Variants in HECW1 observed in about 807,000 individuals in gnomAD.
HECW1 encodes HECT, C2 and WW domain containing E3 ubiquitin protein ligase 1, also known as E3 ubiquitin-protein ligase HECW1.
Under a neutral mutation model 182.3 loss-of-function variants are expected in HECW1, and 61 were observed. That is an observed-to-expected ratio of 0.33 (90% CI 0.27 to 0.41). The LOEUF is 0.41. Among genes scored for constraint, HECW1 ranks in the 10% least tolerant of loss-of-function variants. The pLI, the probability that HECW1 is intolerant of heterozygous loss-of-function variation, is 1.00. For synonymous variants in HECW1, 859 were observed against 832.6 expected, an observed-to-expected ratio of 1.03 and a Z score of -0.55; for missense variants, 1,739 against 2,108.9, an observed-to-expected ratio of 0.82 and a Z score of 3.44.
At chr7:43,473,975 A>G (rs7794848) in intron 16 of HECW1, among the ~76,000 whole-genome samples, 23,943 of 152,156 alleles carry the variant, frequency 0.16, 3,062 homozygotes, top group African/African-American at 0.35. Flanking sequence ...ATAAACTTAG[A>G]TACCAAAAGG....
chr7:43,185,177 G>A (rs1170156113), intron 2 of HECW1, among the ~76,000 whole-genome samples: 1 of 152,124 alleles, frequency 6.6e-6, no homozygotes, highest in Admixed American at 6.6e-5. Flanking sequence ...CTGGCTTCCT[G>A]ATGGCTGAAC....
At chr7:43,483,102 G>A (rs2078494609) in intron 17 of HECW1, among the ~76,000 whole-genome samples, 1 of 152,176 alleles carries the variant, frequency 6.6e-6, no homozygotes, top group African/African-American at 2.4e-5. Context: ...CCCGCTTGCT[G>A]TGCCTTGGTT....
intron 6 of HECW1, among the ~76,000 whole-genome samples, chr7:43,366,669 G>A (rs74873247): frequency 0.01 from 1,550 of 152,268 alleles, 29 homozygotes; most frequent in African/African-American, 0.036. Flanking sequence ...GGCAAGACCA[G>A]GTTCCAATAA....
In HECW1 at chr7:43,417,543, TG is replaced by T. The variant is rs1223344305; in HGVS notation, c.801+9814del. 3.5e-3 allele frequency among the ~76,000 whole-genome samples: 531 copies of T among 152,274 alleles called. 2 individuals carry two copies. Among genetic ancestry groups the T allele is most frequent in the African/African-American group, 0.012 (502 of 41,558 alleles). The stretch of plus-strand genomic sequence containing the variant: ...ACTGGATATAGAATTCTGGGTTAAC[TG>T]GTATGTTTCCCCTCAGCACTTGAAA... On this transcript the variant is annotated intron_variant, in intron 8 of 29. Coordinates refer to ENST00000395891, the MANE Select transcript of HECW1 (RefSeq NM_015052.5).
At chr7:43,360,832 T>C (rs573464359) in intron 5 of HECW1, 54 bp from the exon 6 acceptor site, 1 of 1,328,938 alleles carries the variant, frequency 7.5e-7, no homozygotes, top group African/African-American at 1.4e-5. Context: ...GCCATAGCTG[T>C]CTCTCCCTGG....
At chr7:43,428,128 A>G (rs1413730647) in intron 8 of HECW1, among the ~76,000 whole-genome samples, 3 of 152,188 alleles carry the variant, frequency 2.0e-5, no homozygotes, top group African/African-American at 4.8e-5. Context: ...CACATTTATT[A>G]TCCTTCAGTG....
rs180865982 is a variant in HECW1, at chr7:43,338,572, A to G, written c.460+17830A>G. Among the ~76,000 whole-genome samples the G allele has an allele frequency of 5.9e-5, 9 of 152,302 alleles. No individual in the cohort carries two copies. In the East Asian group the frequency reaches 1.5e-3, roughly 26 times the overall value. ...GTAGCCATTCTTGTCTAATGTATGC[A>G]ATGAGACTGTCAATTTTCCTCTAAG... On this transcript the variant is annotated intron_variant, in intron 5 of 29. Coordinates refer to ENST00000395891, the MANE Select transcript of HECW1 (RefSeq NM_015052.5).
At chr7:43,464,625 G>A (rs1244995840) in intron 14 of HECW1, among the ~76,000 whole-genome samples, 1 of 152,130 alleles carries the variant, frequency 6.6e-6, no homozygotes, top group Non-Finnish European at 1.5e-5. Context: ...GTCTGGGCAG[G>A]CAGCACTGGG....
intron 2 of HECW1, among the ~76,000 whole-genome samples, chr7:43,157,774 C>T (rs10282502): frequency 0.055 from 8,343 of 152,116 alleles, 754 homozygotes; most frequent in African/African-American, 0.19. Flanking sequence ...TTGCCCAGGC[C>T]GGTCTTAATC....
At chr7:43,552,668 T>C (rs1439428244) in intron 28 of HECW1, among the ~76,000 whole-genome samples, 2 of 152,250 alleles carry the variant, frequency 1.3e-5, no homozygotes, top group Non-Finnish European at 2.9e-5. Context: ...TCATACAAAA[T>C]GTAGTCTTTC....
At chr7:43,448,026 T>C (rs2077116095) in intron 11 of HECW1, among the ~76,000 whole-genome samples, 1 of 151,650 alleles carries the variant, frequency 6.6e-6, no homozygotes, top group Non-Finnish European at 1.5e-5. Flanking sequence ...TCTCAGCTAC[T>C]TGGGAGGCTG....
chr7:43,542,011 T>C lies in HECW1; in HGVS notation c.4248+13T>C, dbSNP rs372724057. Reference sequence around the variant, plus strand: ...GGTTTTTGGACAGGTTTGTGTGACATGGGGTTTGGAAAAGGGATTTTGTTT... The same window carrying C: ...GGTTTTTGGACAGGTTTGTGTGACACGGGGTTTGGAAAAGGGATTTTGTTT... On this transcript the variant is annotated intron_variant, in intron 26 of 29. Coordinates refer to ENST00000395891, the MANE Select transcript of HECW1 (RefSeq NM_015052.5). The C allele has an allele frequency of 1.8e-5, 26 of 1,484,234 alleles. No individual in the cohort carries two copies. In the African/African-American group the frequency reaches 3.0e-4, roughly 17 times the overall value. The allele number at this position is 1,484,234 out of a possible 1,614,324, so 91.9% of individuals were successfully genotyped here. A position where few individuals can be genotyped will look rare whatever the true frequency, so the allele number is the denominator to read the frequency against.
At chr7:43,502,398 C>T (rs531091527) in intron 21 of HECW1, among the ~76,000 whole-genome samples, 1 of 152,128 alleles carries the variant, frequency 6.6e-6, no homozygotes, top group Non-Finnish European at 1.5e-5. Context: ...GGCTAACCCG[C>T]GTAATCCCAG....
chr7:43,179,785 A>G (rs1251826117), intron 2 of HECW1, among the ~76,000 whole-genome samples: 1 of 152,214 alleles, frequency 6.6e-6, no homozygotes, highest in Non-Finnish European at 1.5e-5. Flanking sequence ...AGTAGCCCAT[A>G]CCTCAGTGTT....
At chr7:43,469,343 A>G (rs2077922594) in intron 16 of HECW1, among the ~76,000 whole-genome samples, 1 of 152,200 alleles carries the variant, frequency 6.6e-6, no homozygotes, top group African/African-American at 2.4e-5. Flanking sequence ...TCACGCTGCT[A>G]GATGCCAACT....
chr7:43,295,537 G>C (rs753017370), intron 3 of HECW1, among the ~76,000 whole-genome samples: 1 of 152,158 alleles, frequency 6.6e-6, no homozygotes, highest in Non-Finnish European at 1.5e-5. Flanking sequence ...CACTCCCCAG[G>C]GGGGCCTGGA....
At chr7:43,458,524 G>A (rs925142386) in intron 13 of HECW1, among the ~76,000 whole-genome samples, 1 of 152,302 alleles carries the variant, frequency 6.6e-6, no homozygotes, top group African/African-American at 2.4e-5. Context: ...TTGCTGAATA[G>A]GAAGTTGCAT....
At position 43,114,305 on chromosome 7, in the gene HECW1, G is replaced by A. The variant is rs891684311; in HGVS notation, c.-118G>A. 1.0e-5 allele frequency: 14 copies of A among 1,362,866 alleles called. No homozygotes were observed. The highest frequency in any genetic ancestry group is 1.2e-5 in the South Asian group (1 of 81,656). The allele number at this position is 1,362,866 out of a possible 1,614,324, so 84.4% of individuals were successfully genotyped here. A position where few individuals can be genotyped will look rare whatever the true frequency, so the allele number is the denominator to read the frequency against. ...GAAAAGGCCAACCGTTAAAGACCCC[G>A]GCAGTGTTGTGGTCCAAGGCGTCTC... On this transcript the variant is annotated 5_prime_UTR_variant, in exon 2 of 30. Transcript: ENST00000395891.
chr7:43,520,825 G>C (rs544088854), intron 24 of HECW1, among the ~76,000 whole-genome samples: 1 of 152,246 alleles, frequency 6.6e-6, no homozygotes, highest in African/African-American at 2.4e-5. Flanking sequence ...AATAGCTTGA[G>C]AAAGCACTGC....
Sources: gnomAD v4.1 joint callset for allele counts (sites outside exome capture counted in the v4.1 genomes callset) on GRCh38, gnomAD v4.1.1 for gene constraint, MANE v1.5 for transcripts, NCBI Gene and HGNC (gene_info 2026-07-23, HGNC 2026-07-21) for gene names.